CDCP2: variants seen among roughly 807,000 people sequenced by gnomAD.
CDCP2 encodes the protein CUB domain containing protein 2.
CDCP2 carries 31 observed loss-of-function variants against 31.0 expected under a neutral mutation model. The observed-to-expected ratio is 1.00, with a 90% CI of 0.75 to 1.35. CDCP2 has a LOEUF of 1.35. Among genes scored for constraint, CDCP2 ranks in the 40% most tolerant of loss-of-function variants. The pLI is 0.00. For synonymous variants in CDCP2, 206 were observed against 207.9 expected (o/e 0.99, Z 0.08); for missense variants, 443 against 482.6 (o/e 0.92, Z 0.77).
exon 6 of CDCP2, chr1:54,133,183 C>G: frequency 2.5e-6 from 1 of 399,118 alleles, no homozygotes; most frequent in African/African-American, 2.1e-5. Context: ...TGGACAGAAG[C>G]CTCCTTGCGC....
At chr1:54,151,972 C>T (rs1438776134) in intron 1 of CDCP2, among the ~76,000 whole-genome samples, 2 of 152,088 alleles carry the variant, frequency 1.3e-5, no homozygotes, top group Non-Finnish European at 2.9e-5. Flanking sequence ...GGCTTAAGAT[C>T]CCTGAGGGTG....
exon 4 of CDCP2, chr1:54,139,760 G>A (rs769605662): frequency 6.8e-6 from 11 of 1,614,258 alleles, no homozygotes; most frequent in Non-Finnish European, 9.3e-6. Context: ...GACCTCCGAT[G>A]TAGGCCACAG....
At chr1:54,141,666 G>T in intron 2 of CDCP2, 1 of 429,504 alleles carries the variant, frequency 2.3e-6, no homozygotes. Context: ...GGACTGTGCT[G>T]CAGTTTCTCT....
chr1:54,136,917 C>T (rs1659268053), intron 4 of CDCP2, 109 bp from the exon 5 acceptor site: 1 of 398,134 alleles, frequency 2.5e-6, no homozygotes, highest in African/African-American at 2.1e-5. Context: ...GAAACTGAGG[C>T]CCAGAGTAGG....
At chr1:54,152,279 C>T (rs1659597192) in intron 1 of CDCP2, among the ~76,000 whole-genome samples, 1 of 152,136 alleles carries the variant, frequency 6.6e-6, no homozygotes, top group Admixed American at 6.5e-5. Flanking sequence ...GCATGACCAA[C>T]ATGGTGAAAC....
intron 1 of CDCP2, among the ~76,000 whole-genome samples, chr1:54,146,556 G>T (rs1293076387): frequency 6.6e-6 from 1 of 151,814 alleles, no homozygotes; most frequent in Non-Finnish European, 1.5e-5. Context: ...GTGTGAACTT[G>T]ATTATTTTTA....
chr1:54,145,357 C>T (rs981846674), intron 1 of CDCP2, among the ~76,000 whole-genome samples: 6 of 152,080 alleles, frequency 3.9e-5, no homozygotes, highest in African/African-American at 9.7e-5. Context: ...ACCCGGGAGG[C>T]GGAGGTTGCA....
intron 4 of CDCP2, chr1:54,139,548 T>G (rs760393799): frequency 6.2e-7 from 1 of 1,613,136 alleles, no homozygotes; most frequent in South Asian, 1.1e-5. Context: ...GGCTCTGCAA[T>G]AGTGGAAACA....
At chr1:54,138,376 T>A (rs981929222) in intron 4 of CDCP2, 6 of 152,206 alleles carry the variant, frequency 3.9e-5, no homozygotes, top group African/African-American at 1.4e-4. Flanking sequence ...CACCCCAGCT[T>A]GCATGTGGAG....
chr1:54,143,444 AG>A (rs1659409752), intron 2 of CDCP2: 2 of 68,178 alleles, frequency 2.9e-5, no homozygotes, highest in African/African-American at 4.9e-5. Flanking sequence ...TTTTAAATAT[AG>A]GGGATTAACA....
intron 1 of CDCP2, among the ~76,000 whole-genome samples, chr1:54,147,666 C>T (rs528868487): frequency 2.6e-4 from 39 of 151,762 alleles, no homozygotes; most frequent in Middle Eastern, 6.8e-3. Flanking sequence ...CGTGCCCGGC[C>T]GGGAAAACTT....
chr1:54,144,575 G>A (rs772654576), exon 2 of CDCP2: 54 of 1,613,906 alleles, frequency 3.3e-5, no homozygotes, highest in African/African-American at 8.0e-5. Context: ...GCACCTTGCC[G>A]CAGAACCTCC....
intron 4 of CDCP2, chr1:54,137,692 T>TGTGTGTGTGTGTGTGCGCGCGC (rs60839953): frequency 0.26 from 38,158 of 145,730 alleles, 5,435 homozygotes; most frequent in East Asian, 0.54. Context: ...TGCGTGTGTG[T>TGTGTGTGTGTGTGTGCGCGCGC]GTGTGTGTGT....
chr1:54,144,188 G>A, intron 2 of CDCP2: 1 of 355,054 alleles, frequency 2.8e-6, no homozygotes, highest in South Asian at 4.7e-5. Context: ...TACAAGCATG[G>A]TCATGAACAG....
rs574181743 is a variant in CDCP2, at chr1:54,152,475, G to A, written c.79+369C>T. 8.9e-5 allele frequency among the ~76,000 whole-genome samples: 12 copies of A among 134,844 alleles called. No individual in the cohort carries two copies. In the East Asian group the frequency reaches 2.3e-3, roughly 26 times the overall value. The allele number at this position is 134,844 out of a possible 152,430, so 88.5% of individuals were successfully genotyped here. ...CAAGACTGTCTCAAAAAAAAAAAAA[G>A]ACTCTTTAGCAATAAACCTTTAATA... On this transcript the variant is annotated intron_variant, in intron 1 of 5. Transcript: ENST00000530059.
At chr1:54,145,625 C>T (rs1407408124) in intron 1 of CDCP2, among the ~76,000 whole-genome samples, 1 of 151,842 alleles carries the variant, frequency 6.6e-6, no homozygotes, top group Non-Finnish European at 1.5e-5. Flanking sequence ...TAATAACCTC[C>T]CCAAGTGAAA....
chr1:54,149,699 G>T (rs1289868608), intron 1 of CDCP2, among the ~76,000 whole-genome samples: 1 of 152,084 alleles, frequency 6.6e-6, no homozygotes, highest in Non-Finnish European at 1.5e-5. Context: ...TTTACTTATT[G>T]ATTTGGTTCA....
intron 2 of CDCP2, chr1:54,141,731 T>G (rs1268369131): frequency 3.6e-6 from 1 of 277,238 alleles, no homozygotes; most frequent in Non-Finnish European, 6.8e-6. Context: ...TTACTTGAGT[T>G]TGAGTTCACC....
intron 1 of CDCP2, among the ~76,000 whole-genome samples, chr1:54,150,672 G>A (rs1291812243): frequency 6.6e-6 from 1 of 152,200 alleles, no homozygotes; most frequent in Non-Finnish European, 1.5e-5. Flanking sequence ...AGAGCCATGT[G>A]AGAAGTGGAA....
Sources: allele counts gnomAD v4.1 joint callset (sites outside exome capture counted in the v4.1 genomes callset), GRCh38; gene constraint gnomAD v4.1.1; transcripts MANE v1.5; gene names NCBI Gene and HGNC (gene_info 2026-07-23, HGNC 2026-07-21).